PUDP: variants seen among roughly 807,000 people sequenced by gnomAD.
PUDP encodes the protein pseudouridine 5'-phosphatase, also known as pseudouridine-5'-phosphatase.
A neutral mutation model predicts 9.4 loss-of-function variants in PUDP; 8 were observed. The observed-to-expected ratio is 0.85, with a 90% CI of 0.50 to 1.53. The LOEUF (loss-of-function observed/expected upper bound fraction) is 1.53, where lower values mean the gene tolerates loss of function less well. Ranked by LOEUF, PUDP falls within the 40% of genes most tolerant of loss-of-function variation. The probability of loss-of-function intolerance (pLI) is 0.00; values close to 1 mark genes in which losing one functional copy is unlikely to be tolerated. For synonymous variants in PUDP, 99 were observed against 80.7 expected (o/e 1.23, Z -1.22); for missense variants, 188 against 189.7 (o/e 0.99, Z 0.05).
chrX:6,736,799 T>G (rs1924877317), intron 3 of PUDP, among the ~76,000 whole-genome samples: 1 of 110,934 alleles, frequency 9.0e-6, no homozygotes. Flanking sequence ...GAGCTAAACA[T>G]TGAGGACAGA....
chrX:6,888,691 G>A (rs1927467229), intron 3 of PUDP, among the ~76,000 whole-genome samples: 1 of 111,002 alleles, frequency 9.0e-6, no homozygotes, highest in African/African-American at 3.3e-5. Context: ...GAGGAAATTT[G>A]TTTCACAGGC....
At chrX:6,986,430 G>T (rs1314860676) in intron 1 of PUDP, among the ~76,000 whole-genome samples, 1 of 111,543 alleles carries the variant, frequency 9.0e-6, no homozygotes, top group African/African-American at 3.3e-5. Context: ...ACCCCACACA[G>T]CCCAGGGGCT....
At chrX:7,107,543 T>A (rs1480704419) in intron 1 of PUDP, among the ~76,000 whole-genome samples, 3 of 112,737 alleles carry the variant, frequency 2.7e-5, no homozygotes, top group African/African-American at 9.7e-5. Context: ...AGGAGAGTTA[T>A]GGGGCGGGCG....
chrX:6,944,496 A>G (rs1439640412), intron 3 of PUDP, among the ~76,000 whole-genome samples: 2 of 76,641 alleles, frequency 2.6e-5, no homozygotes, highest in East Asian at 1.0e-3. Flanking sequence ...CCCCCCACCC[A>G]TCCCCTGTTC....
At chrX:6,771,665 C>A (rs1226640434) in intron 3 of PUDP, among the ~76,000 whole-genome samples, 3 of 112,275 alleles carry the variant, frequency 2.7e-5, no homozygotes, top group South Asian at 3.7e-4. Flanking sequence ...TGATATTGTT[C>A]TTCTTTGGCA....
rs539626149 is a variant in PUDP at position 7,073,121 on chromosome X, C to G, written c.510+4099G>C. Among the ~76,000 whole-genome samples the G allele has an allele frequency of 6.7e-4, 75 of 111,835 alleles. No individual in the cohort carries two copies. The South Asian group carries it at 0.011, about 16-fold the overall frequency. On this transcript the variant is annotated intron_variant, in intron 3 of 3. Transcript: ENST00000381077. ...CAGATGTCGCACCCTGCCTGGCACA[C>G]AGTGGGCGGGTGCTTTCACTCGATG...
At chrX:6,991,792 AAAGT>A (rs1449400781) in intron 1 of PUDP, among the ~76,000 whole-genome samples, 23 of 111,422 alleles carry the variant, frequency 2.1e-4, no homozygotes, top group African/African-American at 7.1e-4. Flanking sequence ...AGAATAGAAA[AAAGT>A]AAGTGACAAA....
At position 7,077,236 on chromosome X, in the gene PUDP, G is replaced by T. The variant is rs756173311; in HGVS notation, c.494C>A (p.Pro165His). 1.7e-6 allele frequency: 2 copies of T among 1,195,466 alleles called. No homozygotes were observed. The highest frequency in any genetic ancestry group is 2.3e-6 in the Non-Finnish European group (2 of 887,275). The change falls in exon 3 of 4, where the codon CCT becomes CAT. Residue 165 changes from proline to histidine, a missense_variant. Transcript: ENST00000381077. ...CCCACTTACCTTCTCCATAGCAGGA[G>T]GGGGAGAGAACCTCTTGGCACAAGC... is the stretch of plus-strand genomic sequence containing the variant. Reference protein sequence around the residue: ...FLACAKRFSPPPAMEKCLVFE... With the variant: ...FLACAKRFSPHPAMEKCLVFE...
chrX:7,007,368 C>A (rs1270683577), intron 1 of PUDP, among the ~76,000 whole-genome samples: 1 of 112,078 alleles, frequency 8.9e-6, no homozygotes, highest in Non-Finnish European at 1.9e-5. Flanking sequence ...CCAGATGGGT[C>A]AATTTCTATG....
At chrX:6,710,684 T>C (rs1244079102) in intron 1 of PUDP, among the ~76,000 whole-genome samples, 1 of 112,402 alleles carries the variant, frequency 8.9e-6, no homozygotes, top group Non-Finnish European at 1.9e-5. Flanking sequence ...GTGCAGGAGC[T>C]GCTGACGCTG....
At chrX:6,752,680 TAAG>T (rs1925114905) in intron 3 of PUDP, among the ~76,000 whole-genome samples, 1 of 110,463 alleles carries the variant, frequency 9.1e-6, no homozygotes, top group Non-Finnish European at 1.9e-5. Context: ...ATATAAGAAA[TAAG>T]AAGGAGGGAA....
intron 3 of PUDP, among the ~76,000 whole-genome samples, chrX:6,960,534 C>T (rs1031767614): frequency 8.9e-5 from 10 of 111,902 alleles, no homozygotes; most frequent in Admixed American, 3.8e-4. Context: ...TTGGACTTCC[C>T]GGCATCCAGA....
intron 3 of PUDP, among the ~76,000 whole-genome samples, chrX:6,939,803 A>C (rs1245749329): frequency 1.9e-5 from 2 of 108,091 alleles, no homozygotes; most frequent in Admixed American, 1.0e-4. Context: ...AGGAGGGTCA[A>C]GGCCTGCACT....
chrX:6,954,641 G>A (rs1021327940), intron 3 of PUDP, among the ~76,000 whole-genome samples: 7 of 112,174 alleles, frequency 6.2e-5, no homozygotes, highest in Non-Finnish European at 7.5e-5. Flanking sequence ...AGGAGTCACT[G>A]AAAGGTGTTA....
chrX:7,076,859 C>A (rs1163409187), intron 3 of PUDP, among the ~76,000 whole-genome samples: 1 of 112,215 alleles, frequency 8.9e-6, no homozygotes, highest in Non-Finnish European at 1.9e-5. Context: ...TGAATACTCA[C>A]CTTAAAGCCT....
chrX:6,737,310 G>T (rs949736858), intron 3 of PUDP, among the ~76,000 whole-genome samples: 1 of 112,453 alleles, frequency 8.9e-6, no homozygotes, highest in Non-Finnish European at 1.9e-5. Context: ...TGCTAAAGCA[G>T]CCCGAGAAAG....
In PUDP at chrX:7,105,793, C is replaced by A. The variant is rs975694336; in HGVS notation, c.107G>T (p.Arg36Leu). The A allele has an allele frequency of 8.3e-7, 1 of 1,206,462 alleles. No individual in the cohort carries two copies. Among genetic ancestry groups the A allele is most frequent in the African/African-American group, 1.8e-5 (1 of 56,842 alleles). The change falls in exon 2 of 4, where the codon CGC (arginine) becomes CTC (leucine). Residue 36 changes from arginine to leucine, a missense_variant. Arg to Leu is a moderately radical substitution (Grantham distance 102). Coordinates refer to ENST00000381077, the MANE Select transcript of PUDP (RefSeq NM_012080.5). Reference sequence around the variant, plus strand: ...ATCCCAGCTGTATTTCTTGTCATAGCGATTACATATTTCTTGAAACACCAC... The same window carrying A: ...ATCCCAGCTGTATTTCTTGTCATAGAGATTACATATTTCTTGAAACACCAC... ...YSVVFQEICNRYDKKYSWDVK... is the reference protein window; with the variant it reads ...YSVVFQEICNLYDKKYSWDVK...
intron 1 of PUDP, among the ~76,000 whole-genome samples, chrX:7,002,278 T>C (rs1272416481): frequency 8.9e-6 from 1 of 111,875 alleles, no homozygotes; most frequent in Non-Finnish European, 1.9e-5. Flanking sequence ...AACTTAAAAA[T>C]CTAGAAATAT....
chrX:6,784,033 C>T (rs1484045442), intron 3 of PUDP, among the ~76,000 whole-genome samples: 1 of 111,458 alleles, frequency 9.0e-6, no homozygotes, highest in Non-Finnish European at 1.9e-5. Flanking sequence ...GATGGATCTT[C>T]TTTCTTCATT....
Sources: allele counts gnomAD v4.1 joint callset (sites outside exome capture counted in the v4.1 genomes callset), GRCh38; gene constraint gnomAD v4.1.1; transcripts MANE v1.5; gene names NCBI Gene and HGNC (gene_info 2026-07-23, HGNC 2026-07-21).